The following SASH1 variants were observed in gnomAD, a reference collection of about 807,000 sequenced individuals.
SASH1 encodes SAM and SH3 domain containing 1.
In SASH1, 44 loss-of-function variants were observed where a neutral mutation model predicts 125.2. The ratio of observed to expected loss-of-function variants is 0.35; its 90% confidence interval spans 0.28 to 0.45. The LOEUF (loss-of-function observed/expected upper bound fraction) is 0.45, where lower values mean the gene tolerates loss of function less well. SASH1 is among the 20% of genes least tolerant of loss of function. The pLI, the probability that SASH1 is intolerant of heterozygous loss-of-function variation, is 1.00. For synonymous variants in SASH1, 639 were observed against 649.1 expected (o/e 0.98, Z 0.24); for missense variants, 1,426 against 1,614.5 (o/e 0.88, Z 2.00).
intron 2 of SASH1, among the ~76,000 whole-genome samples, chr6:148,422,099 T>C (rs573334969): frequency 5.5e-4 from 83 of 152,268 alleles, no homozygotes; most frequent in African/African-American, 1.7e-3. Flanking sequence ...AACCAGAATC[T>C]CTCTACCTAG....
At chr6:148,320,992 C>T (rs893735902) in intron 1 of SASH1, among the ~76,000 whole-genome samples, 2 of 152,232 alleles carry the variant, frequency 1.3e-5, no homozygotes, top group South Asian at 4.1e-4. Flanking sequence ...CTCAAGGCTG[C>T]ACTAACCGTC....
chr6:148,479,497 G>T, intron 7 of SASH1: 1 of 170,860 alleles, frequency 5.9e-6, no homozygotes. Context: ...TAGCCTTAAA[G>T]TAGCCCACTT....
intron 8 of SASH1, among the ~76,000 whole-genome samples, chr6:148,506,467 T>TC (rs1440762370): frequency 2.0e-5 from 3 of 151,984 alleles, no homozygotes; most frequent in Admixed American, 2.0e-4. Context: ...AGAGCAAAAC[T>TC]CCATCTCAAA....
chr6:148,536,945 A>AGTT (rs1679606537), intron 16 of SASH1, among the ~76,000 whole-genome samples: 1 of 152,206 alleles, frequency 6.6e-6, no homozygotes, highest in South Asian at 2.1e-4. Context: ...TGATAGATAA[A>AGTT]GTTGTACTTC....
At chr6:148,351,196 T>G (rs1236438500) in intron 1 of SASH1, among the ~76,000 whole-genome samples, 1 of 89,954 alleles carries the variant, frequency 1.1e-5, no homozygotes, top group Non-Finnish European at 2.1e-5. Flanking sequence ...TAGTAGTTTT[T>G]TTTTTTTTTT....
chr6:148,322,379 A>C (rs967768629), intron 1 of SASH1, among the ~76,000 whole-genome samples: 30 of 152,186 alleles, frequency 2.0e-4, no homozygotes, highest in African/African-American at 6.3e-4. Context: ...AAAATAAAAT[A>C]AAAAGAAACC....
chr6:148,447,859 G>A (rs79396948), intron 4 of SASH1, among the ~76,000 whole-genome samples: 25,167 of 151,928 alleles, frequency 0.17, 2,353 homozygotes, highest in East Asian at 0.36. Flanking sequence ...TCTCAGACAG[G>A]CCCTATTCTC....
intron 15 of SASH1, 39 bp downstream of exon 15, chr6:148,534,019 A>G (rs769543641): frequency 1.3e-5 from 20 of 1,577,700 alleles, no homozygotes; most frequent in Non-Finnish European, 1.7e-5. Context: ...CTACTACCTC[A>G]CTGCCTTTTT....
At chr6:148,474,007 G>A (rs1778229624) in intron 6 of SASH1, 103 bp from the exon 7 acceptor site, 1 of 761,294 alleles carries the variant, frequency 1.3e-6, no homozygotes, top group African/African-American at 1.7e-5. Flanking sequence ...ATAGTGTCCT[G>A]AGCAACATTC....
At chr6:148,204,972 C>T in the SASH1 span, among the ~76,000 whole-genome samples, 2 of 152,178 alleles carry the variant, frequency 1.3e-5, no homozygotes, top group Non-Finnish European at 2.9e-5. Flanking sequence ...AGGTGACCCA[C>T]ATCAATGAGC....
chr6:148,314,386 A>G (rs1010349467), intron 1 of SASH1, among the ~76,000 whole-genome samples: 2 of 152,232 alleles, frequency 1.3e-5, no homozygotes, highest in Admixed American at 1.3e-4. Context: ...TTTAAACTGT[A>G]TCAGGTTCCC....
intron 1 of SASH1, among the ~76,000 whole-genome samples, chr6:148,359,723 A>G (rs1198609996): frequency 6.6e-6 from 1 of 152,172 alleles, no homozygotes; most frequent in African/African-American, 2.4e-5. Context: ...CATGAAAGGA[A>G]GAGTCCCTTG....
chr6:148,503,487 G>A (rs886385578), intron 8 of SASH1, among the ~76,000 whole-genome samples: 10 of 152,212 alleles, frequency 6.6e-5, no homozygotes, highest in African/African-American at 1.9e-4. Flanking sequence ...ACATTGTATT[G>A]TATTGACTAT....
At chr6:148,240,522 C>T in the SASH1 span, among the ~76,000 whole-genome samples, 2 of 152,122 alleles carry the variant, frequency 1.3e-5, no homozygotes, top group African/African-American at 4.8e-5. Flanking sequence ...AGTGATGGAA[C>T]CCAGAATCTT....
At chr6:148,310,857 G>A (rs1161362237) in intron 1 of SASH1, among the ~76,000 whole-genome samples, 1 of 152,176 alleles carries the variant, frequency 6.6e-6, no homozygotes, top group African/African-American at 2.4e-5. Context: ...AGGATGTGGA[G>A]CAAAGGAAAC....
At chr6:148,531,352 G>A (rs544454313) in intron 12 of SASH1, among the ~76,000 whole-genome samples, 174 bp from the exon 13 acceptor site, 3 of 152,268 alleles carry the variant, frequency 2.0e-5, no homozygotes, top group African/African-American at 4.8e-5. Context: ...CATTGGCCAC[G>A]ACTTTAAAAG....
the SASH1 span, among the ~76,000 whole-genome samples, chr6:148,230,044 A>C: frequency 6.6e-6 from 1 of 152,122 alleles, no homozygotes; most frequent in Non-Finnish European, 1.5e-5. Context: ...AAGACACAGT[A>C]ACCATCAGTA....
intron 9 of SASH1, among the ~76,000 whole-genome samples, chr6:148,517,594 G>T (rs570850435): frequency 6.6e-6 from 1 of 152,286 alleles, no homozygotes; most frequent in African/African-American, 2.4e-5. Context: ...GGAAAAGCCC[G>T]CACTACAGGA....
chr6:148,540,427 G>C lies in SASH1; in HGVS notation c.2096-16G>C. On this transcript the variant is annotated splice_polypyrimidine_tract_variant and intron_variant, in intron 16 of 19. Coordinates refer to ENST00000367467, the MANE Select transcript of SASH1 (RefSeq NM_015278.5). ...TCACTCACCTTGTTGATTTCATGCC[G>C]TGTTCTCTCCTCTAGGTAACAGCGA... The C allele has an allele frequency of 1.9e-6, 3 of 1,602,600 alleles. No individual in the cohort carries two copies. The highest frequency in any genetic ancestry group is 2.6e-6 in the Non-Finnish European group (3 of 1,170,266).
Sources: allele counts gnomAD v4.1 joint callset (sites outside exome capture counted in the v4.1 genomes callset), GRCh38; gene constraint gnomAD v4.1.1; transcripts MANE v1.5; gene names NCBI Gene and HGNC (gene_info 2026-07-23, HGNC 2026-07-21).